CEP128: variants seen among roughly 807,000 people sequenced by gnomAD.
CEP128 encodes the protein centrosomal protein 128, also known as centrosomal protein 128kDa.
CEP128 carries 132 observed loss-of-function variants against 156.7 expected under a neutral mutation model. The observed-to-expected ratio is 0.84, with a 90% CI of 0.73 to 0.97. The LOEUF (loss-of-function observed/expected upper bound fraction) is 0.97, where lower values mean the gene tolerates loss of function less well. CEP128 is among the 50% of genes least tolerant of loss of function. CEP128 has a pLI of 0.00. For missense variants in CEP128, 1,252 were observed against 1,281.9 expected (o/e 0.98, Z 0.36); for synonymous variants, 469 against 448.9 (o/e 1.04, Z -0.57).
intron 2 of CEP128, 70 bp from the exon 3 acceptor site, chr14:80,916,632 G>T: frequency 1.6e-6 from 2 of 1,217,514 alleles, no homozygotes; most frequent in Non-Finnish European, 2.3e-6. Context: ...TAATACAACA[G>T]TTTACTTTTG....
chr14:80,927,835 T>C (rs1331004032), intron 2 of CEP128, among the ~76,000 whole-genome samples: 3 of 152,020 alleles, frequency 2.0e-5, no homozygotes. Context: ...ACCCAGTAAA[T>C]AAAACAACAG....
Position 80,792,917 on chromosome 14 carries a change from G to A in CEP128, c.1403C>T (p.Ser468Leu), listed in dbSNP as rs1901789905. The A allele has an allele frequency of 5.6e-6, 9 of 1,614,128 alleles. No individual in the cohort carries two copies. In the East Asian group the frequency reaches 2.0e-4, roughly 36 times the overall value. Reference sequence around the variant, plus strand: ...CTCCGCCTCCTCTTTCAGAGCCTCTGACTGCTGGAGCTCACTGAGGTACCG... The same window carrying A: ...CTCCGCCTCCTCTTTCAGAGCCTCTAACTGCTGGAGCTCACTGAGGTACCG... ...AERYLSELQQSEALKEEAEKR... is the reference protein window; with the variant it reads ...AERYLSELQQLEALKEEAEKR... The change falls in exon 14 of 25, where the codon TCA becomes TTA. Residue 468 changes from serine to leucine, a missense_variant. By Grantham distance (145) the Ser-to-Leu change is moderately radical. Coordinates refer to ENST00000555265, the MANE Select transcript of CEP128 (RefSeq NM_152446.5).
At chr14:80,719,755 C>G (rs1050369296) in intron 19 of CEP128, among the ~76,000 whole-genome samples, 1 of 152,022 alleles carries the variant, frequency 6.6e-6, no homozygotes, top group Admixed American at 6.6e-5. Flanking sequence ...AAAATGAAGC[C>G]AGGAAGAACA....
intron 2 of CEP128, among the ~76,000 whole-genome samples, chr14:80,921,206 C>T (rs918608208): frequency 2.6e-5 from 4 of 152,110 alleles, no homozygotes; most frequent in African/African-American, 7.2e-5. Flanking sequence ...CCAAAATTCA[C>T]GTTGAAATTT....
At chr14:80,933,603 T>A (rs1885612488) in intron 2 of CEP128, among the ~76,000 whole-genome samples, 1 of 152,178 alleles carries the variant, frequency 6.6e-6, no homozygotes, top group Non-Finnish European at 1.5e-5. Flanking sequence ...GGATATGGCT[T>A]ATCAACCTCT....
intron 19 of CEP128, among the ~76,000 whole-genome samples, chr14:80,734,193 G>T (rs1057375375): frequency 6.6e-6 from 1 of 151,994 alleles, no homozygotes; most frequent in Admixed American, 6.6e-5. Context: ...TGCTACAAAG[G>T]ACAACTACTC....
chr14:80,678,064 GTA>G (rs1274703937), intron 19 of CEP128, among the ~76,000 whole-genome samples: 1 of 27,444 alleles, frequency 3.6e-5, no homozygotes, highest in African/African-American at 9.4e-5. Flanking sequence ...ATATATATAT[GTA>G]TATATATATA....
intron 12 of CEP128, among the ~76,000 whole-genome samples, chr14:80,831,917 T>C (rs1178879751): frequency 6.6e-6 from 1 of 152,132 alleles, no homozygotes. Flanking sequence ...CATCCTGATG[T>C]GGTTTGGCTC....
At chr14:80,702,606 A>G (rs1306450489) in intron 19 of CEP128, among the ~76,000 whole-genome samples, 1 of 152,180 alleles carries the variant, frequency 6.6e-6, no homozygotes, top group East Asian at 1.9e-4. Context: ...ACCACTTACC[A>G]GGTAATATTA....
intron 21 of CEP128, among the ~76,000 whole-genome samples, chr14:80,546,320 G>A (rs74064241): frequency 0.013 from 1,951 of 152,302 alleles, 48 homozygotes; most frequent in African/African-American, 0.045. Flanking sequence ...GAGAGGTTAA[G>A]TGAGTCGCCC....
At chr14:80,547,543 T>C (rs1304319013) in intron 21 of CEP128, among the ~76,000 whole-genome samples, 1 of 152,172 alleles carries the variant, frequency 6.6e-6, no homozygotes, top group African/African-American at 2.4e-5. Flanking sequence ...GTGAGGGGTA[T>C]TGACAAGGAT....
intron 20 of CEP128, among the ~76,000 whole-genome samples, chr14:80,568,730 A>G (rs1196253350): frequency 6.6e-6 from 1 of 152,160 alleles, no homozygotes; most frequent in African/African-American, 2.4e-5. Context: ...AAATGTAGCT[A>G]AACAATTTAA....
At chr14:80,819,248 T>A (rs1341795550) in intron 13 of CEP128, among the ~76,000 whole-genome samples, 1 of 138,080 alleles carries the variant, frequency 7.2e-6, no homozygotes, top group Admixed American at 7.2e-5. Context: ...CCTTTTTTTT[T>A]TTTTTTTTTT....
chr14:80,891,917 A>C (rs1345760865), intron 8 of CEP128, among the ~76,000 whole-genome samples: 1 of 152,010 alleles, frequency 6.6e-6, no homozygotes, highest in Non-Finnish European at 1.5e-5. Flanking sequence ...TTGAAGACAA[A>C]ATAATGAAAA....
rs535349554 is a variant in CEP128, at chr14:80,505,477, C to T, written c.3073-457G>A. Among the ~76,000 whole-genome samples, 5 of 152,106 alleles carry T rather than the reference C, an allele frequency of 3.3e-5. No homozygotes were observed. In the South Asian group the frequency reaches 8.3e-4, roughly 25 times the overall value. On this transcript the variant is annotated intron_variant, in intron 23 of 24. Transcript: ENST00000555265. Reference sequence around the variant, plus strand: ...TGAGAAATATCTTTAAACTTATAACCTTTTCCATATTTAGGACTATTCCTT... The same window carrying T: ...TGAGAAATATCTTTAAACTTATAACTTTTTCCATATTTAGGACTATTCCTT...
chr14:80,866,489 G>GC (rs2140172861), intron 8 of CEP128, among the ~76,000 whole-genome samples: 1 of 152,198 alleles, frequency 6.6e-6, no homozygotes, highest in South Asian at 2.1e-4. Context: ...CAACAGGCTA[G>GC]CCTCTGGGAC....
intron 22 of CEP128, among the ~76,000 whole-genome samples, chr14:80,529,297 A>G (rs961872821): frequency 2.0e-5 from 3 of 152,202 alleles, no homozygotes; most frequent in Non-Finnish European, 2.9e-5. Context: ...GGGAAGTACA[A>G]TGCTGAACTC....
intron 2 of CEP128, chr14:80,955,565 C>T (rs1886615657): frequency 7.7e-7 from 1 of 1,294,042 alleles, no homozygotes; most frequent in African/African-American, 1.5e-5. Flanking sequence ...TTGGAGCCCT[C>T]CCTCTTCCCA....
At chr14:80,955,824 C>CA in intron 2 of CEP128, 1 of 1,614,206 alleles carries the variant, frequency 6.2e-7, no homozygotes, top group Non-Finnish European at 8.5e-7. Flanking sequence ...AACGCATCCC[C>CA]AGCTTACCGC....
Sources: gnomAD v4.1 joint callset for allele counts (sites outside exome capture counted in the v4.1 genomes callset) on GRCh38, gnomAD v4.1.1 for gene constraint, MANE v1.5 for transcripts, NCBI Gene and HGNC (gene_info 2026-07-23, HGNC 2026-07-21) for gene names.